The following MERTK variants were observed in gnomAD, a reference collection of about 807,000 sequenced individuals.
The protein encoded by MERTK is MER proto-oncogene, tyrosine kinase, also known as tyrosine-protein kinase Mer.
In MERTK, 69 loss-of-function variants were observed where a neutral mutation model predicts 99.3. The ratio of observed to expected loss-of-function variants is 0.70; its 90% CI spans 0.57 to 0.85. The LOEUF (loss-of-function observed/expected upper bound fraction) is 0.85, where lower values mean the gene tolerates loss of function less well. MERTK is among the 40% of genes least tolerant of loss of function. The pLI is 0.00. For synonymous variants in MERTK, 426 were observed against 467.6 expected (o/e 0.91, Z 1.15); for missense variants, 1,125 against 1,249.4 (o/e 0.90, Z 1.50).
intron 2 of MERTK, among the ~76,000 whole-genome samples, chr2:111,938,043 A>C (rs911657043): frequency 6.6e-6 from 1 of 152,114 alleles, no homozygotes; most frequent in African/African-American, 2.4e-5. Flanking sequence ...CCAGTAGAGT[A>C]ACCACTACTC....
rs1683970605 is a variant in MERTK, at chr2:111,898,649, C to A, written c.-87C>A. 1 of 1,505,742 alleles carries A rather than the reference C, an allele frequency of 6.6e-7. No homozygotes were observed. Among genetic ancestry groups the A allele is most frequent in the Non-Finnish European group, 9.0e-7 (1 of 1,105,306 alleles). 93.3% of individuals were successfully genotyped at this position (1,505,742 alleles called of 1,614,324 possible). On this transcript the variant is annotated 5_prime_UTR_variant, in exon 1 of 19. In the 5' UTR this introduces an upstream ATG that the reference lacks. Transcript: ENST00000295408. ...CGGGCCGCCCGGACAGGGAGCTTCG[C>A]TGGCGCGCTTGGCCGGCGACAGGAC... is the stretch of plus-strand genomic sequence containing the variant.
Position 111,898,628 on chromosome 2 carries a change from C to A in MERTK, c.-108C>A. 7.3e-7 allele frequency: 1 copy of A among 1,367,958 alleles called. No homozygotes were observed. 84.7% of individuals were successfully genotyped at this position (1,367,958 alleles called of 1,614,324 possible). A position where few individuals can be genotyped will look rare whatever the true frequency, so the allele number is the denominator to read the frequency against. ...CGCCACTCGGCACTCACTGCCCGGG[C>A]CGCCCGGACAGGGAGCTTCGCTGGC... On this transcript the variant is annotated 5_prime_UTR_variant, in exon 1 of 19. Transcript: ENST00000295408.
At chr2:111,960,695 C>T (rs886729394) in intron 4 of MERTK, among the ~76,000 whole-genome samples, 4 of 151,658 alleles carry the variant, frequency 2.6e-5, no homozygotes, top group African/African-American at 9.7e-5. Context: ...ATGGTTTAAG[C>T]AAAAACTTTC....
intron 2 of MERTK, chr2:111,941,168 G>T (rs993963389): frequency 6.1e-6 from 2 of 328,656 alleles, no homozygotes; most frequent in Non-Finnish European, 1.2e-5. Context: ...AGGTAGTTTG[G>T]CTGGGTACAG....
At chr2:111,935,121 A>C (rs930241880) in intron 2 of MERTK, among the ~76,000 whole-genome samples, 1 of 152,254 alleles carries the variant, frequency 6.6e-6, no homozygotes, top group African/African-American at 2.4e-5. Context: ...AGACACCAAG[A>C]AATAGAGATA....
rs1241452651 is a variant in MERTK, at chr2:111,953,648, T to G, written c.757+6081T>G. 2.0e-5 allele frequency among the ~76,000 whole-genome samples: 3 copies of G among 152,194 alleles called. No homozygotes were observed. The South Asian group carries it at 6.2e-4, about 32-fold the overall frequency. ...TGGAGTGCAATGGCGTGATCTCTGCTTATCGCAACCTCTGCCTCCAGGGTT... is the reference window on the plus strand; with the variant it reads ...TGGAGTGCAATGGCGTGATCTCTGCGTATCGCAACCTCTGCCTCCAGGGTT... On this transcript the variant is annotated intron_variant, in intron 4 of 18. Transcript: ENST00000295408.
In MERTK at chr2:111,939,102, G is replaced by A. The variant is rs573085010; in HGVS notation, c.483-5858G>A. On this transcript the variant is annotated intron_variant, in intron 2 of 18. Coordinates refer to ENST00000295408, the MANE Select transcript of MERTK (RefSeq NM_006343.3). The stretch of plus-strand genomic sequence containing the variant: ...TGAAACTGAGTAAATTATAAAGAAA[G>A]GAAATTTATTTCTCACAGTTAAGGA... Among the ~76,000 whole-genome samples the A allele has an allele frequency of 3.7e-4, 56 of 152,228 alleles. 1 individual carries two copies. Among genetic ancestry groups the A allele is most frequent in the South Asian group, 2.7e-3 (13 of 4,818 alleles).
chr2:111,953,578 CT>C (rs11380665), intron 4 of MERTK, among the ~76,000 whole-genome samples: 1 of 149,800 alleles, frequency 6.7e-6, no homozygotes. Context: ...ATTGTTCTCT[CT>C]TTTTTTTTTG....
Position 111,898,722 on chromosome 2 carries a change from TCCGCAGCCCCGGGATGGGGCCGGCC to T in MERTK, c.-9_16del, listed in dbSNP as rs1683972218. On this transcript the variant is annotated start_lost and 5_prime_UTR_variant, in exon 1 of 19. Coordinates refer to ENST00000295408, the MANE Select transcript of MERTK (RefSeq NM_006343.3). ...CATCCGTCCGGAGAGAAATTACAGA[TCCGCAGCCCCGGGATGGGGCCGGCC>T]CCGCTGCCGCTGCTGCTGGGCCTCT... 6.2e-7 allele frequency: 1 copy of T among 1,604,798 alleles called. No homozygotes were observed. The highest frequency in any genetic ancestry group is 1.3e-5 in the African/African-American group (1 of 74,784).
chr2:111,949,597 G>A (rs886812355), intron 4 of MERTK, among the ~76,000 whole-genome samples: 3 of 152,108 alleles, frequency 2.0e-5, no homozygotes, highest in African/African-American at 7.2e-5. Context: ...TTTCATTGAG[G>A]TAAAATTGAC....
At chr2:111,970,850 C>CCTCCTCCTT (rs1221553824) in intron 6 of MERTK, among the ~76,000 whole-genome samples, 2 of 137,012 alleles carry the variant, frequency 1.5e-5, no homozygotes, top group East Asian at 4.7e-4. Flanking sequence ...TCCTCCTTCT[C>CCTCCTCCTT]CTCCTCCTTC....
rs571967137 is a variant in MERTK, at chr2:111,917,193, GA to G, written c.62-11926del. On this transcript the variant is annotated intron_variant, in intron 1 of 18. Transcript: ENST00000295408. The stretch of plus-strand genomic sequence containing the variant: ...CATTGCTTCATTAATGCTGGGTGGG[GA>G]TGGAAGGCCTGGCTCCCACATGGTC... Among the ~76,000 whole-genome samples the G allele has an allele frequency of 3.9e-3, 596 of 152,288 alleles. 3 individuals are homozygous for G. The highest frequency in any genetic ancestry group is 0.013 in the South Asian group (64 of 4,824).
At chr2:111,932,607 A>G (rs962311497) in intron 2 of MERTK, among the ~76,000 whole-genome samples, 5 of 152,216 alleles carry the variant, frequency 3.3e-5, no homozygotes, top group Non-Finnish European at 7.3e-5. Context: ...AGTGAAATAA[A>G]TTATAGTTGT....
chr2:112,012,712 C>G (rs1260526660), intron 15 of MERTK, among the ~76,000 whole-genome samples: 1 of 152,138 alleles, frequency 6.6e-6, no homozygotes, highest in Non-Finnish European at 1.5e-5. Flanking sequence ...GTGCCCCGAC[C>G]TCCGGTAACT....
intron 1 of MERTK, among the ~76,000 whole-genome samples, chr2:111,915,627 G>A (rs914014299): frequency 2.7e-4 from 41 of 151,950 alleles, no homozygotes; most frequent in East Asian, 5.8e-4. Context: ...TTTAGTTTGC[G>A]GCTGGGCGTG....
intron 4 of MERTK, among the ~76,000 whole-genome samples, chr2:111,961,768 C>T (rs1265197177): frequency 6.6e-6 from 1 of 152,112 alleles, no homozygotes; most frequent in African/African-American, 2.4e-5. Context: ...CACATTTAAC[C>T]CCTCAGGAGA....
intron 4 of MERTK, among the ~76,000 whole-genome samples, chr2:111,961,280 C>G (rs1205698301): frequency 6.7e-6 from 1 of 150,024 alleles, no homozygotes; most frequent in Non-Finnish European, 1.5e-5. Context: ...CCTGCCTCAG[C>G]TTCCCGAGTA....
chr2:112,021,593 G>C lies in MERTK; in HGVS notation c.2349+12G>C. 1 of 1,608,126 alleles carries C rather than the reference G, an allele frequency of 6.2e-7. No homozygotes were observed. The highest frequency in any genetic ancestry group is 8.5e-7 in the Non-Finnish European group (1 of 1,175,300). On this transcript the variant is annotated intron_variant, in intron 17 of 18. Transcript: ENST00000295408. ...GTAAAAGTGATGTGGTATGTACACA[G>C]CTTTGATTCAGGGGTCCCACAGCAC...
intron 1 of MERTK, among the ~76,000 whole-genome samples, chr2:111,927,981 T>A (rs937152593): frequency 3.3e-5 from 5 of 152,144 alleles, no homozygotes; most frequent in South Asian, 2.1e-4. Flanking sequence ...GTGTAGAATC[T>A]GTGTCCAAAA....
Sources: allele counts gnomAD v4.1 joint callset (sites outside exome capture counted in the v4.1 genomes callset), GRCh38; gene constraint gnomAD v4.1.1; transcripts MANE v1.5; gene names NCBI Gene and HGNC (gene_info 2026-07-23, HGNC 2026-07-21).